The following CA12 variants were observed in gnomAD, a reference collection of about 807,000 sequenced individuals.
CA12 encodes the protein carbonate dehydratase XII.
A neutral mutation model predicts 46.8 loss-of-function variants in CA12; 36 were observed. The observed-to-expected ratio is 0.77, with a 90% CI of 0.59 to 1.02. The LOEUF is 1.02. CA12 is among the 50% of genes least tolerant of loss of function. CA12 has a pLI of 0.00. For synonymous variants in CA12, 202 were observed against 187.0 expected (o/e 1.08, Z -0.65); for missense variants, 436 against 451.4 (o/e 0.97, Z 0.31).
chr15:63,369,731 C>T (rs903460025), intron 2 of CA12, among the ~76,000 whole-genome samples: 2 of 152,172 alleles, frequency 1.3e-5, no homozygotes, highest in Admixed American at 6.5e-5. Context: ...CTAAGGCGCA[C>T]CAGACAGAAA....
intron 1 of CA12, among the ~76,000 whole-genome samples, chr15:63,377,546 T>C (rs944537713): frequency 1.3e-5 from 2 of 152,158 alleles, no homozygotes; most frequent in African/African-American, 4.8e-5. Flanking sequence ...TTTGCCTCAG[T>C]GTTTGTAATT....
chr15:63,361,552 A>C (rs2039364011), intron 2 of CA12, among the ~76,000 whole-genome samples: 1 of 152,126 alleles, frequency 6.6e-6, no homozygotes, highest in African/African-American at 2.4e-5. Context: ...CACAACAGAG[A>C]GTTATCCTGC....
intron 8 of CA12, among the ~76,000 whole-genome samples, chr15:63,337,036 A>G (rs1317909170): frequency 2.0e-5 from 3 of 152,264 alleles, no homozygotes; most frequent in Non-Finnish European, 2.9e-5. Context: ...CGTTGTATCC[A>G]TAACAGATAC....
chr15:63,378,320 G>A lies in CA12; in HGVS notation c.86-2642C>T, dbSNP rs748003719. 6.6e-6 allele frequency among the ~76,000 whole-genome samples: 1 copy of A among 152,102 alleles called. No homozygotes were observed. The highest frequency in any genetic ancestry group is 2.4e-5 in the African/African-American group (1 of 41,396). On this transcript the variant is annotated intron_variant, in intron 1 of 10. Coordinates refer to ENST00000178638, the MANE Select transcript of CA12 (RefSeq NM_001218.5). This position sits in a 1 kb window ranked among gnomAD's most constrained non-coding sequence, Gnocchi z 4.8. ...GGAGAATTGCTTGAACCCGGGAGGC[G>A]GAGGTTGCAGTGAGCTGAGATTGTG...
chr15:63,352,245 T>C (rs138315862), intron 2 of CA12, among the ~76,000 whole-genome samples: 2,901 of 152,218 alleles, frequency 0.019, 26 homozygotes, highest in South Asian at 0.033. Context: ...TTAGTCGACA[T>C]GGGGTTTCGC....
chr15:63,341,931 G>T lies in CA12; in HGVS notation c.525+71C>A. ...AGCTGATTATCAACAGGTATGCATGGAACAAAAGGTGGAATCCCAATCTCA... is the reference window on the plus strand; with the variant it reads ...AGCTGATTATCAACAGGTATGCATGTAACAAAAGGTGGAATCCCAATCTCA... On this transcript the variant is annotated intron_variant, in intron 5 of 10. Coordinates refer to ENST00000178638, the MANE Select transcript of CA12 (RefSeq NM_001218.5). This position sits in a 1 kb window ranked among gnomAD's most constrained non-coding sequence, Gnocchi z 5.2. 3 of 1,066,474 alleles carry T rather than the reference G, an allele frequency of 2.8e-6. No individual in the cohort carries two copies. The highest frequency in any genetic ancestry group is 1.3e-5 in the South Asian group (1 of 76,970). 66.1% of individuals were successfully genotyped at this position (1,066,474 alleles called of 1,614,324 possible).
At chr15:63,349,975 A>G (rs900698270) in intron 2 of CA12, among the ~76,000 whole-genome samples, 2 of 152,220 alleles carry the variant, frequency 1.3e-5, no homozygotes, top group African/African-American at 4.8e-5. Flanking sequence ...TCACTTGCTC[A>G]GGTTCAAAAT....
At chr15:63,353,521 CATCT>C (rs2152620738) in intron 2 of CA12, among the ~76,000 whole-genome samples, 1 of 152,262 alleles carries the variant, frequency 6.6e-6, no homozygotes, top group East Asian at 1.9e-4. Context: ...TACATTCCTC[CATCT>C]GTTAGAAAGG....
At chr15:63,375,512 CT>C (rs2039558759) in intron 2 of CA12, 145 bp downstream of exon 2, 2 of 636,274 alleles carry the variant, frequency 3.1e-6, no homozygotes, top group Non-Finnish European at 5.6e-6. Flanking sequence ...TAGGAGATGC[CT>C]TTGTACTCTC....
intron 8 of CA12, among the ~76,000 whole-genome samples, chr15:63,334,249 T>TTTTTTTG: frequency 2.3e-5 from 1 of 42,668 alleles, no homozygotes; most frequent in Admixed American, 1.9e-4. Flanking sequence ...GCACTTTTTT[T>TTTTTTTG]TTTTTTTTTT....
intron 2 of CA12, among the ~76,000 whole-genome samples, chr15:63,375,255 A>T (rs1209781939): frequency 6.6e-6 from 1 of 152,238 alleles, no homozygotes; most frequent in Non-Finnish European, 1.5e-5. Flanking sequence ...ACCTCAGCCA[A>T]ACTTTCAGAG....
chr15:63,380,958 C>T (rs7172837), intron 1 of CA12, among the ~76,000 whole-genome samples: 15,116 of 152,066 alleles, frequency 0.099, 1,407 homozygotes, highest in African/African-American at 0.24. Context: ...CCATTCAGTC[C>T]CTCAGCCTCC....
rs1035007357 is a variant in CA12 at position 63,341,455 on chromosome 15, C to T, written c.525+547G>A. Among the ~76,000 whole-genome samples the T allele has an allele frequency of 2.6e-5, 4 of 152,236 alleles. No homozygotes were observed. Among genetic ancestry groups the T allele is most frequent in the Admixed American group, 2.6e-4 (4 of 15,290 alleles). Reference sequence around the variant, plus strand: ...GAACTGCGCATGCAAGGGATCTAGGCTGTGTATTCCTTACGGAATCTAACT... The same window carrying T: ...GAACTGCGCATGCAAGGGATCTAGGTTGTGTATTCCTTACGGAATCTAACT... On this transcript the variant is annotated intron_variant, in intron 5 of 10. Coordinates refer to ENST00000178638, the MANE Select transcript of CA12 (RefSeq NM_001218.5). The surrounding 1 kb of genome is among the most constrained non-coding windows in gnomAD (Gnocchi z 5.2).
chr15:63,335,315 A>C (rs531940220), intron 8 of CA12, among the ~76,000 whole-genome samples: 2 of 152,196 alleles, frequency 1.3e-5, no homozygotes, highest in Non-Finnish European at 2.9e-5. Context: ...GACAGAAATC[A>C]GGTCCTGTAC....
rs1308609144 is a variant in CA12, at chr15:63,323,430, A to ATT, written c.*2853_*2854dup. On this transcript the variant is annotated 3_prime_UTR_variant, in exon 11 of 11. Transcript: ENST00000178638. This position sits in a 1 kb window ranked among gnomAD's most constrained non-coding sequence, Gnocchi z 5.1. ...CTAAGAAGTGGATGCGAGTGACATT[A>ATT]TTATTCTGATTAGTTACCTATCCCC... 6.6e-6 allele frequency: 1 copy of ATT among 152,170 alleles called. No individual in the cohort carries two copies. Among genetic ancestry groups the ATT allele is most frequent in the Non-Finnish European group, 1.5e-5 (1 of 68,012 alleles). The allele number at this position is 152,170 out of a possible 1,614,324, so 9.4% of individuals were successfully genotyped here.
At chr15:63,377,876 C>T (rs1262636682) in intron 1 of CA12, among the ~76,000 whole-genome samples, 1 of 152,212 alleles carries the variant, frequency 6.6e-6, no homozygotes, top group African/African-American at 2.4e-5. Flanking sequence ...CCATCTCCTC[C>T]TTTTGTAGGT....
At chr15:63,336,250 C>A (rs2039001839) in intron 8 of CA12, among the ~76,000 whole-genome samples, 1 of 152,212 alleles carries the variant, frequency 6.6e-6, no homozygotes, top group Non-Finnish European at 1.5e-5. Flanking sequence ...GGAGAATCTA[C>A]TGAAGCGCTT....
chr15:63,365,888 C>T (rs947799476), intron 2 of CA12, among the ~76,000 whole-genome samples: 2 of 152,164 alleles, frequency 1.3e-5, no homozygotes, highest in Non-Finnish European at 1.5e-5. Flanking sequence ...ACTATAATCT[C>T]AGCACTTTGG....
chr15:63,346,398 C>T, intron 3 of CA12, 132 bp downstream of exon 3: 2 of 724,012 alleles, frequency 2.8e-6, no homozygotes, highest in Admixed American at 4.1e-5. Flanking sequence ...CTCTCAAAGA[C>T]ACCCCCGCCC....
Sources: gnomAD v4.1 joint callset for allele counts (sites outside exome capture counted in the v4.1 genomes callset) on GRCh38, gnomAD v4.1.1 for gene constraint, Gnocchi (gnomAD v3.1) non-coding constraint, MANE v1.5 for transcripts, NCBI Gene and HGNC (gene_info 2026-07-23, HGNC 2026-07-21) for gene names.